Variants in KARS1 observed in about 807,000 individuals in gnomAD.
KARS1 encodes the protein lysyl-tRNA synthetase 1.
In KARS1, 50 loss-of-function variants were observed where a neutral mutation model predicts 63.9. The observed-to-expected ratio is 0.78, with a 90% CI of 0.62 to 0.99. The LOEUF is 0.99. Among genes scored for constraint, KARS1 ranks in the 50% least tolerant of loss-of-function variants. The pLI is 0.00. For missense variants in KARS1, 816 were observed against 754.5 expected, an observed-to-expected ratio of 1.08 and a Z score of -0.95; for synonymous variants, 320 against 264.6, an observed-to-expected ratio of 1.21 and a Z score of -2.03.
chr16:75,636,942 C>CA (rs1407448483), intron 3 of KARS1, among the ~76,000 whole-genome samples: 1 of 135,034 alleles, frequency 7.4e-6, no homozygotes, highest in Non-Finnish European at 1.5e-5. Flanking sequence ...ACCCGGCCTG[C>CA]ATTTTTTTTT....
At chr16:75,646,341 G>C (rs576641515) in intron 1 of KARS1, among the ~76,000 whole-genome samples, 6 of 152,184 alleles carry the variant, frequency 3.9e-5, no homozygotes, top group African/African-American at 1.4e-4. Context: ...ACGAGATTGA[G>C]ACCATCCTGC....
At chr16:75,633,477 G>T (rs1234720909) in intron 7 of KARS1, among the ~76,000 whole-genome samples, 1 of 151,518 alleles carries the variant, frequency 6.6e-6, no homozygotes, top group Non-Finnish European at 1.5e-5. Context: ...TATTTACCTG[G>T]GAATTTGACA....
At chr16:75,631,983 G>A (rs1292664834) in intron 7 of KARS1, 128 bp from the exon 8 acceptor site, 4 of 1,101,862 alleles carry the variant, frequency 3.6e-6, no homozygotes, top group Non-Finnish European at 5.4e-6. Flanking sequence ...CGCCTCCTAG[G>A]TTCAAGCAAT....
At chr16:75,636,228 G>C in intron 4 of KARS1, 130 bp from the exon 5 acceptor site, 3 of 718,840 alleles carry the variant, frequency 4.2e-6, no homozygotes, top group South Asian at 3.2e-5. Flanking sequence ...CAGATTCAGG[G>C]GCCACTATTA....
At chr16:75,628,258 A>C (rs1467648666) in intron 13 of KARS1, among the ~76,000 whole-genome samples, 1 of 152,254 alleles carries the variant, frequency 6.6e-6, no homozygotes, top group African/African-American at 2.4e-5. Context: ...TTCCTCATCT[A>C]TAAAAATGGG....
chr16:75,632,918 C>T (rs1463146280), intron 7 of KARS1, among the ~76,000 whole-genome samples: 11 of 152,198 alleles, frequency 7.2e-5, no homozygotes, highest in African/African-American at 1.2e-4. Flanking sequence ...TCTTACCGTA[C>T]AGCATTAGGT....
At chr16:75,631,106 A>G (rs2082106931) in intron 10 of KARS1, 62 bp downstream of exon 10, 3 of 1,341,268 alleles carry the variant, frequency 2.2e-6, no homozygotes, top group Admixed American at 3.7e-5. Context: ...TCATTTTCCC[A>G]GGGAAGAGGG....
intron 3 of KARS1, among the ~76,000 whole-genome samples, chr16:75,637,587 C>G (rs1484764420): frequency 6.6e-6 from 1 of 151,832 alleles, no homozygotes; most frequent in Non-Finnish European, 1.5e-5. Flanking sequence ...ACCAGCCTGA[C>G]CAACATGGAG....
chr16:75,636,309 G>GC (rs2082161175), intron 4 of KARS1, 145 bp downstream of exon 4: 1 of 768,422 alleles, frequency 1.3e-6, no homozygotes, highest in Non-Finnish European at 2.3e-6. Context: ...TGACCAGGTG[G>GC]CCACATTATC....
At chr16:75,635,329 C>T in intron 6 of KARS1, 1 of 319,424 alleles carries the variant, frequency 3.1e-6, no homozygotes. Flanking sequence ...TTCAGTTTTG[C>T]TTCTATTTAA....
At chr16:75,635,875 G>C (rs755841211) in intron 5 of KARS1, 37 bp downstream of exon 5, 1 of 1,613,770 alleles carries the variant, frequency 6.2e-7, no homozygotes, top group Admixed American at 1.7e-5. Flanking sequence ...CAAACAGAAA[G>C]CTAGGAGGCC....
chr16:75,639,847 G>A, intron 3 of KARS1: 1 of 245,178 alleles, frequency 4.1e-6, no homozygotes, highest in Non-Finnish European at 7.9e-6. Context: ...CTCCAAAAGA[G>A]CAATGTTCTA....
At chr16:75,634,058 C>G (rs1293392591) in intron 7 of KARS1, 115 bp downstream of exon 7, 1 of 1,167,356 alleles carries the variant, frequency 8.6e-7, no homozygotes, top group African/African-American at 1.5e-5. Flanking sequence ...CATCAGAACA[C>G]TTTCTTGGCT....
chr16:75,627,995 T>C lies in KARS1; in HGVS notation c.1696-2A>G, dbSNP rs1299524768. The C allele has an allele frequency of 2.6e-6, 4 of 1,565,726 alleles. No individual in the cohort carries two copies. The South Asian group carries it at 4.4e-5, about 17-fold the overall frequency. On this transcript the variant is annotated splice_acceptor_variant, in intron 13 of 13. Coordinates refer to ENST00000302445, the MANE Select transcript of KARS1 (RefSeq NM_005548.3). LOFTEE classifies it high-confidence loss of function. ...CATGGCAGGAAACAGAAGTACTTCC[T>C]GTGGGAGATAAGAATGTACCTTGAA...
At chr16:75,634,339 T>G (rs755039049) in intron 6 of KARS1, 47 bp from the exon 7 acceptor site, 2 of 1,604,926 alleles carry the variant, frequency 1.2e-6, no homozygotes, top group Admixed American at 3.3e-5. Flanking sequence ...ACCAGAGGCC[T>G]TGGGGACAGA....
intron 6 of KARS1, 75 bp downstream of exon 6, chr16:75,635,605 A>C: frequency 6.5e-7 from 1 of 1,543,942 alleles, no homozygotes; most frequent in Non-Finnish European, 8.9e-7. Flanking sequence ...TACGCTTTGG[A>C]AAAGGAAGGC....
chr16:75,640,105 C>G, intron 3 of KARS1, 79 bp downstream of exon 3: 2 of 1,261,718 alleles, frequency 1.6e-6, no homozygotes, highest in Non-Finnish European at 2.3e-6. Context: ...CAAGACCAAC[C>G]CAGACCTTCC....
At chr16:75,639,182 T>TA (rs2082195967) in intron 3 of KARS1, among the ~76,000 whole-genome samples, 1 of 150,848 alleles carries the variant, frequency 6.6e-6, no homozygotes, top group South Asian at 2.1e-4. Context: ...AAAATAAAAA[T>TA]AAAAAAATAA....
At position 75,635,630 on chromosome 16, in the gene KARS1, G is replaced by C. The variant is rs200296069; in HGVS notation, c.795+50C>G. ...AAAAGGAAGGCAAGGGAGAGGAGGA[G>C]GCAAGCATTGCAAGGCAGCTCATCA... is the stretch of plus-strand genomic sequence containing the variant. On this transcript the variant is annotated intron_variant, in intron 6 of 13. Transcript: ENST00000302445. The C allele has an allele frequency of 2.4e-5, 39 of 1,606,878 alleles. No individual in the cohort carries two copies. In the Admixed American group the frequency reaches 4.7e-4, roughly 19 times the overall value.
Sources: allele counts gnomAD v4.1 joint callset (sites outside exome capture counted in the v4.1 genomes callset), GRCh38; gene constraint gnomAD v4.1.1; transcripts MANE v1.5; gene names NCBI Gene and HGNC (gene_info 2026-07-23, HGNC 2026-07-21).